The following DOT1L variants were observed in gnomAD, a reference collection of about 807,000 sequenced individuals.
The protein encoded by DOT1L is DOT1 like histone lysine methyltransferase, also known as histone-lysine N-methyltransferase, H3 lysine-79 specific.
Under a neutral mutation model 153.3 loss-of-function variants are expected in DOT1L, and 33 were observed. The ratio of observed to expected loss-of-function variants is 0.22; its 90% CI spans 0.16 to 0.29. DOT1L has a LOEUF of 0.29. Ranked by LOEUF, DOT1L falls within the 10% of genes least tolerant of loss-of-function variation. The probability of loss-of-function intolerance (pLI) is 1.00; values close to 1 mark genes in which losing one functional copy is unlikely to be tolerated. For missense variants in DOT1L, 1,847 were observed against 2,119.9 expected, an observed-to-expected ratio of 0.87 and a Z score of 2.53; for synonymous variants, 1,135 against 965.1, an observed-to-expected ratio of 1.18 and a Z score of -3.26.
intron 3 of DOT1L, among the ~76,000 whole-genome samples, chr19:2,188,483 C>CG (rs1361349330): frequency 8.3e-6 from 1 of 120,530 alleles, no homozygotes; most frequent in Non-Finnish European, 1.8e-5. Context: ...AGCCGCCGCC[C>CG]CCCCCCCCCC....
intron 22 of DOT1L, among the ~76,000 whole-genome samples, chr19:2,219,210 G>C (rs138949529): frequency 6.6e-6 from 1 of 152,270 alleles, no homozygotes; most frequent in Non-Finnish European, 1.5e-5. Flanking sequence ...GTTTTGCCCT[G>C]TTGGCCAGGG....
At chr19:2,210,929 G>T in intron 14 of DOT1L, 74 bp downstream of exon 14, 1 of 1,532,962 alleles carries the variant, frequency 6.5e-7, no homozygotes, top group Non-Finnish European at 8.9e-7. Flanking sequence ...CTGGGACGCT[G>T]CCCTCCTGAG....
intron 1 of DOT1L, among the ~76,000 whole-genome samples, chr19:2,173,838 G>A (rs2021776414): frequency 6.6e-6 from 1 of 152,188 alleles, no homozygotes; most frequent in African/African-American, 2.4e-5. Flanking sequence ...CTGGTGAGCT[G>A]AGCTTCCTCT....
intron 3 of DOT1L, among the ~76,000 whole-genome samples, chr19:2,189,056 G>A (rs563054178): frequency 2.4e-4 from 37 of 152,308 alleles, no homozygotes; most frequent in Non-Finnish European, 3.5e-4. Flanking sequence ...CAGAGTTGCT[G>A]CGGGGGGACT....
Position 2,211,892 on chromosome 19 carries a change from G to C in DOT1L, c.1557+50G>C, listed in dbSNP as rs1441507516. On this transcript the variant is annotated intron_variant, in intron 16 of 27. Coordinates refer to ENST00000398665, the MANE Select transcript of DOT1L (RefSeq NM_032482.3). Reference sequence around the variant, plus strand: ...CCGCCTTCCCGCACAGAGGCAGTTCGTTCCTGTTCCTGGGCATCTGTCCCC... The same window carrying C: ...CCGCCTTCCCGCACAGAGGCAGTTCCTTCCTGTTCCTGGGCATCTGTCCCC... The C allele has an allele frequency of 6.0e-6, 9 of 1,499,136 alleles. No homozygotes were observed. The Admixed American group carries it at 1.2e-4, about 20-fold the overall frequency. The allele number at this position is 1,499,136 out of a possible 1,614,324, so 92.9% of individuals were successfully genotyped here. A position where few individuals can be genotyped will look rare whatever the true frequency, so the allele number is the denominator to read the frequency against.
intron 7 of DOT1L, among the ~76,000 whole-genome samples, chr19:2,195,325 G>T (rs777153631): frequency 1.3e-5 from 2 of 152,124 alleles, no homozygotes; most frequent in Admixed American, 1.3e-4. Context: ...CCACACAGAG[G>T]CCTGCAGAGC....
chr19:2,178,619 G>T (rs976650342), intron 1 of DOT1L, among the ~76,000 whole-genome samples: 6 of 151,904 alleles, frequency 3.9e-5, no homozygotes, highest in African/African-American at 1.5e-4. Flanking sequence ...GGGTTTCATT[G>T]TGTTAGCCAG....
rs983365486 is a variant in DOT1L, at chr19:2,222,694, A to G, written c.3390+135A>G. ...GGCGGGTGGATCACAAGATCAGGAC[A>G]TCAAGACCATCCTGGCTAACACGGT... On this transcript the variant is annotated intron_variant, in intron 24 of 27. Transcript: ENST00000398665. The surrounding 1 kb of genome is among the most constrained non-coding windows in gnomAD (Gnocchi z 6.5). The G allele has an allele frequency of 1.2e-6, 1 of 817,942 alleles. No individual in the cohort carries two copies. Among genetic ancestry groups the G allele is most frequent in the African/African-American group, 1.7e-5 (1 of 57,882 alleles). The allele number at this position is 817,942 out of a possible 1,614,324, so 50.7% of individuals were successfully genotyped here. A position where few individuals can be genotyped will look rare whatever the true frequency, so the allele number is the denominator to read the frequency against.
At chr19:2,192,255 G>T (rs2022827056) in intron 5 of DOT1L, among the ~76,000 whole-genome samples, 1 of 152,236 alleles carries the variant, frequency 6.6e-6, no homozygotes, top group Non-Finnish European at 1.5e-5. Flanking sequence ...GCACTTGGAA[G>T]GCTGAGATGG....
Position 2,191,413 on chromosome 19 carries a change from T to G in DOT1L, c.493+173T>G. ...GTGGGGCCGTTCCTTTCCCCAGCCC[T>G]GACCGGGCTCCACCCAGAGGGGAGA... On this transcript the variant is annotated intron_variant, in intron 5 of 27. Coordinates refer to ENST00000398665, the MANE Select transcript of DOT1L (RefSeq NM_032482.3). This position sits in a 1 kb window ranked among gnomAD's most constrained non-coding sequence, Gnocchi z 6.8. 1.5e-6 allele frequency: 1 copy of G among 685,978 alleles called. No individual in the cohort carries two copies. Among genetic ancestry groups the G allele is most frequent in the Non-Finnish European group, 2.5e-6 (1 of 407,788 alleles). 42.5% of individuals were successfully genotyped at this position (685,978 alleles called of 1,614,324 possible). A position where few individuals can be genotyped will look rare whatever the true frequency, so the allele number is the denominator to read the frequency against.
At chr19:2,209,044 G>A (rs1728988027) in intron 12 of DOT1L, 68 bp downstream of exon 12, 8 of 1,554,464 alleles carry the variant, frequency 5.1e-6, no homozygotes, top group South Asian at 2.3e-5. Flanking sequence ...ATGCAAAGCC[G>A]TGCGCAGCCG....
chr19:2,165,362 C>T (rs952853656), intron 1 of DOT1L, among the ~76,000 whole-genome samples: 5 of 152,120 alleles, frequency 3.3e-5, no homozygotes, highest in Non-Finnish European at 5.9e-5. Context: ...GCTGGGGAGC[C>T]CGGGCTGGCT....
chr19:2,185,901 T>G lies in DOT1L; in HGVS notation c.172T>G (p.Tyr58Asp). 6.2e-7 allele frequency: 1 copy of G among 1,614,136 alleles called. No homozygotes were observed. Residue 58 changes from tyrosine (Y) to aspartate (D), a missense_variant, in exon 3 of 28, where the codon TAC becomes GAC. By Grantham distance (160) the Tyr-to-Asp change is radical. Transcript: ENST00000398665. ...IPDLKLAMEN[Y>D]VLIDYDTKSF... ...GGATCTCAAGCTCGCTATGGAGAAT[T>G]ACGTTTTAATTGACTATGACACCAA...
At chr19:2,228,886 C>T (rs1422844496) in intron 27 of DOT1L, 15 of 985,318 alleles carry the variant, frequency 1.5e-5, no homozygotes, top group Non-Finnish European at 1.8e-5. Context: ...GCTGTCTGGC[C>T]AGTAGCCTCG....
rs2022206592 is a variant in DOT1L, at chr19:2,181,046, CCGACCTTCACCCTCA to C, written c.125+293_125+307del. On this transcript the variant is annotated intron_variant, in intron 2 of 27. Coordinates refer to ENST00000398665, the MANE Select transcript of DOT1L (RefSeq NM_032482.3). ...CAGTCTCCCTGCTGTGGGTTTTGGGCCGACCTTCACCCTCACGCGCCCTCGACGGCCTCCTGTGTC... is the reference window on the plus strand; with the variant it reads ...CAGTCTCCCTGCTGTGGGTTTTGGGCCGCGCCCTCGACGGCCTCCTGTGTC... Among the ~76,000 whole-genome samples the C allele has an allele frequency of 2.0e-5, 3 of 152,188 alleles. No individual in the cohort carries two copies. The South Asian group carries it at 6.2e-4, about 32-fold the overall frequency.
rs566890053 is a variant in DOT1L at position 2,217,187 on chromosome 19, G to T, written c.2544+97G>T. 9.7e-6 allele frequency: 14 copies of T among 1,440,802 alleles called. No individual in the cohort carries two copies. The highest frequency in any genetic ancestry group is 1.2e-5 in the Non-Finnish European group (13 of 1,096,668). The allele number at this position is 1,440,802 out of a possible 1,614,324, so 89.3% of individuals were successfully genotyped here. A position where few individuals can be genotyped will look rare whatever the true frequency, so the allele number is the denominator to read the frequency against. Reference sequence around the variant, plus strand: ...GGAGGGCTTGTCCTAGTTGACCTTGGGGCACGGTGAGGTACTGGGGCTGAC... The same window carrying T: ...GGAGGGCTTGTCCTAGTTGACCTTGTGGCACGGTGAGGTACTGGGGCTGAC... On this transcript the variant is annotated intron_variant, in intron 21 of 27. Coordinates refer to ENST00000398665, the MANE Select transcript of DOT1L (RefSeq NM_032482.3). This position sits in a 1 kb window ranked among gnomAD's most constrained non-coding sequence, Gnocchi z 7.3.
At position 2,220,456 on chromosome 19, in the gene DOT1L, ACCT is replaced by A; in HGVS notation, c.2806+238_2806+240del. On this transcript the variant is annotated intron_variant, in intron 23 of 27. Coordinates refer to ENST00000398665, the MANE Select transcript of DOT1L (RefSeq NM_032482.3). This position sits in a 1 kb window ranked among gnomAD's most constrained non-coding sequence, Gnocchi z 4.5. ...CATACCTGGGTCTCCCGACACTGAC[ACCT>A]CCTGCTTGGGTGTATTAATTCAGCC... 1 of 630,346 alleles carries A rather than the reference ACCT, an allele frequency of 1.6e-6. No homozygotes were observed. The highest frequency in any genetic ancestry group is 2.9e-6 in the Non-Finnish European group (1 of 340,216). The allele number at this position is 630,346 out of a possible 1,614,324, so 39.0% of individuals were successfully genotyped here.
In DOT1L at chr19:2,230,587, G is replaced by A; in HGVS notation, c.*795G>A. 1 of 398,704 alleles carries A rather than the reference G, an allele frequency of 2.5e-6. No individual in the cohort carries two copies. The highest frequency in any genetic ancestry group is 2.1e-5 in the African/African-American group (1 of 48,776). 24.7% of individuals were successfully genotyped at this position (398,704 alleles called of 1,614,324 possible). A position where few individuals can be genotyped will look rare whatever the true frequency, so the allele number is the denominator to read the frequency against. ...GCAGCATGCCCTGCGATGCGGGGCA[G>A]GCCTGTCGTGGGTCCCTTGGTGTTT... On this transcript the variant is annotated 3_prime_UTR_variant, in exon 28 of 28. Transcript: ENST00000398665.
In DOT1L at chr19:2,227,854, G is replaced by A. The variant is rs915919201; in HGVS notation, c.4606+727G>A. On this transcript the variant is annotated intron_variant, in intron 27 of 27. Transcript: ENST00000398665. The stretch of plus-strand genomic sequence containing the variant: ...CCGAGCCCGCTGCAGGCGGCGGCCA[G>A]CGCCTCGGCCTCTTCCTTTCAGGCC... The A allele has an allele frequency of 2.3e-6, 3 of 1,286,076 alleles. No individual in the cohort carries two copies. In the African/African-American group the frequency reaches 4.7e-5, roughly 20 times the overall value. 79.7% of individuals were successfully genotyped at this position (1,286,076 alleles called of 1,614,324 possible). A position where few individuals can be genotyped will look rare whatever the true frequency, so the allele number is the denominator to read the frequency against.
Sources: allele counts gnomAD v4.1 joint callset (sites outside exome capture counted in the v4.1 genomes callset), GRCh38; gene constraint gnomAD v4.1.1; non-coding constraint Gnocchi (gnomAD v3.1); transcripts MANE v1.5; gene names NCBI Gene and HGNC (gene_info 2026-07-23, HGNC 2026-07-21).